PPTC7: variants seen among roughly 807,000 people sequenced by gnomAD.
The protein encoded by PPTC7 is protein phosphatase targeting COQ7.
PPTC7 carries 6 observed loss-of-function variants against 30.8 expected under a neutral mutation model. The ratio of observed to expected loss-of-function variants is 0.19; its 90% CI spans 0.11 to 0.38. The LOEUF is 0.38. Among genes scored for constraint, PPTC7 ranks in the 10% least tolerant of loss-of-function variants. The probability of loss-of-function intolerance (pLI) is 1.00; values close to 1 mark genes in which losing one functional copy is unlikely to be tolerated. For missense variants in PPTC7, 218 were observed against 404.8 expected (o/e 0.54, Z 3.96); for synonymous variants, 163 against 168.1 (o/e 0.97, Z 0.23).
At chr12:110,576,905 G>A (rs542994962) in intron 1 of PPTC7, among the ~76,000 whole-genome samples, 1 of 152,138 alleles carries the variant, frequency 6.6e-6, no homozygotes, top group Non-Finnish European at 1.5e-5. Context: ...CGTGGTTCAC[G>A]CCTGTAATCC....
At chr12:110,582,645 G>A (rs1232014205) in intron 1 of PPTC7, among the ~76,000 whole-genome samples, 164 bp downstream of exon 1, 2 of 152,176 alleles carry the variant, frequency 1.3e-5, no homozygotes, top group Non-Finnish European at 2.9e-5. Context: ...AGCGGAAAAC[G>A]CGCCTCGGAG....
chr12:110,560,742 G>C (rs1026986016), intron 1 of PPTC7, among the ~76,000 whole-genome samples: 1 of 152,144 alleles, frequency 6.6e-6, no homozygotes, highest in Admixed American at 6.5e-5. Flanking sequence ...AAAACAATTT[G>C]ATTTTGTCCA....
chr12:110,556,819 G>A (rs191726693), intron 1 of PPTC7, among the ~76,000 whole-genome samples: 365 of 152,202 alleles, frequency 2.4e-3, no homozygotes, highest in Middle Eastern at 3.4e-3. Context: ...CCAGACAAAC[G>A]GCTCCCATAA....
chr12:110,577,296 A>G (rs1304633088), intron 1 of PPTC7, among the ~76,000 whole-genome samples: 1 of 151,906 alleles, frequency 6.6e-6, no homozygotes, highest in Non-Finnish European at 1.5e-5. Context: ...AAAAAAGTAA[A>G]ATTAAAAAAA....
At chr12:110,542,009 G>A (rs891361872) in intron 3 of PPTC7, among the ~76,000 whole-genome samples, 1 of 151,932 alleles carries the variant, frequency 6.6e-6, no homozygotes, top group African/African-American at 2.4e-5. Flanking sequence ...AGCCAAGCAT[G>A]GTGGCGTGCG....
At chr12:110,576,846 T>C (rs1424242118) in intron 1 of PPTC7, among the ~76,000 whole-genome samples, 1 of 152,208 alleles carries the variant, frequency 6.6e-6, no homozygotes, top group Non-Finnish European at 1.5e-5. Context: ...TGCTATGGAA[T>C]GTGAATTATA....
chr12:110,558,268 G>GA (rs1400335814), intron 1 of PPTC7, among the ~76,000 whole-genome samples: 3 of 152,306 alleles, frequency 2.0e-5, no homozygotes, highest in African/African-American at 4.8e-5. Flanking sequence ...GTTGGGGCCA[G>GA]AAAATCTGAG....
At chr12:110,576,394 T>TA (rs1264668646) in intron 1 of PPTC7, among the ~76,000 whole-genome samples, 4 of 152,106 alleles carry the variant, frequency 2.6e-5, no homozygotes, top group Admixed American at 1.3e-4. Flanking sequence ...CCCCTCAAAT[T>TA]AAAAACATGT....
intron 1 of PPTC7, among the ~76,000 whole-genome samples, chr12:110,558,338 TAG>T (rs34598305): frequency 1.9e-4 from 29 of 151,998 alleles, no homozygotes; most frequent in African/African-American, 7.0e-4. Flanking sequence ...TCTATGGAGG[TAG>T]AGAGAAGTGA....
intron 2 of PPTC7, among the ~76,000 whole-genome samples, chr12:110,551,339 C>T (rs554826654): frequency 6.6e-6 from 1 of 152,212 alleles, no homozygotes; most frequent in East Asian, 1.9e-4. Context: ...TCTGGTTAGC[C>T]TATAGTTTCT....
At chr12:110,556,903 A>G (rs2135777680) in intron 1 of PPTC7, among the ~76,000 whole-genome samples, 1 of 152,304 alleles carries the variant, frequency 6.6e-6, no homozygotes, top group South Asian at 2.1e-4. Flanking sequence ...CCTCAAGAAC[A>G]GTGCCAGCCT....
intron 1 of PPTC7, among the ~76,000 whole-genome samples, chr12:110,578,651 T>C (rs2135798831): frequency 6.6e-6 from 1 of 152,330 alleles, no homozygotes. Flanking sequence ...GAGTCCTAGA[T>C]GACCACAGTG....
chr12:110,557,632 G>T (rs1028465320), intron 1 of PPTC7, among the ~76,000 whole-genome samples: 2 of 152,178 alleles, frequency 1.3e-5, no homozygotes, highest in African/African-American at 4.8e-5. Context: ...TAATAAAACA[G>T]AATAATTATA....
rs2064215840 is a variant in PPTC7 at position 110,536,001 on chromosome 12, C to T, written c.*1036G>A. On this transcript the variant is annotated 3_prime_UTR_variant, in exon 6 of 6. Transcript: ENST00000354300. ...GCTGCCGCTGCGCACACAGTGCTCT[C>T]TCCACATGGACTCACTGGATTTGGT... is the stretch of plus-strand genomic sequence containing the variant. 6.6e-6 allele frequency: 1 copy of T among 152,556 alleles called. No homozygotes were observed. Among genetic ancestry groups the T allele is most frequent in the South Asian group, 2.1e-4 (1 of 4,822 alleles). The allele number at this position is 152,556 out of a possible 1,614,324, so 9.5% of individuals were successfully genotyped here.
rs1016918652 is a variant in PPTC7 at position 110,553,576 on chromosome 12, C to T, written c.224-1608G>A. ...GGAGAATCACTTGGGCTCAGGAGTT[C>T]AAGACCTGCTTGGACAACACAGTGA... On this transcript the variant is annotated intron_variant, in intron 1 of 5. Transcript: ENST00000354300. Among the ~76,000 whole-genome samples the T allele has an allele frequency of 4.6e-5, 7 of 152,174 alleles. No homozygotes were observed. In the South Asian group the frequency reaches 1.5e-3, roughly 32 times the overall value.
intron 1 of PPTC7, among the ~76,000 whole-genome samples, chr12:110,564,258 A>G (rs571763870): frequency 6.6e-6 from 1 of 152,384 alleles, no homozygotes; most frequent in Admixed American, 6.5e-5. Flanking sequence ...AGTTATGAAT[A>G]GCAGAGACAG....
intron 3 of PPTC7, 72 bp downstream of exon 3, chr12:110,545,808 T>G: frequency 7.2e-7 from 1 of 1,390,740 alleles, no homozygotes; most frequent in Non-Finnish European, 1.0e-6. Context: ...CTCACTGCAC[T>G]CAAGGGGGAC....
chr12:110,538,364 TA>T, intron 4 of PPTC7, 91 bp from the exon 5 acceptor site: 1 of 1,289,816 alleles, frequency 7.8e-7, no homozygotes, highest in Non-Finnish European at 1.1e-6. Flanking sequence ...AGTTTTATTC[TA>T]GTTAGAAAAG....
chr12:110,540,969 G>T (rs1410913677), intron 3 of PPTC7, among the ~76,000 whole-genome samples: 1 of 151,352 alleles, frequency 6.6e-6, no homozygotes, highest in Non-Finnish European at 1.5e-5. Context: ...TAGAGACAGG[G>T]TTTCACCATG....
Sources: allele counts gnomAD v4.1 joint callset (sites outside exome capture counted in the v4.1 genomes callset), GRCh38; gene constraint gnomAD v4.1.1; transcripts MANE v1.5; gene names NCBI Gene and HGNC (gene_info 2026-07-23, HGNC 2026-07-21).